OPN4: variants seen among roughly 807,000 people sequenced by gnomAD.
The protein encoded by OPN4 is melanopsin.
A neutral mutation model predicts 49.5 loss-of-function variants in OPN4; 43 were observed. The observed-to-expected ratio is 0.87, with a 90% CI of 0.68 to 1.12. The LOEUF (loss-of-function observed/expected upper bound fraction) is 1.12, where lower values mean the gene tolerates loss of function less well. OPN4 is among the 50% of genes most tolerant of loss of function. The probability of loss-of-function intolerance (pLI) is 0.00; values close to 1 mark genes in which losing one functional copy is unlikely to be tolerated. For missense variants in OPN4, 657 were observed against 643.9 expected (o/e 1.02, Z -0.22); for synonymous variants, 263 against 258.0 (o/e 1.02, Z -0.19).
At chr10:86,665,350 G>A (rs981658791) in intron 9 of OPN4, among the ~76,000 whole-genome samples, 1 of 152,118 alleles carries the variant, frequency 6.6e-6, no homozygotes, top group African/African-American at 2.4e-5. Context: ...AGAAGGAAGT[G>A]CTGCAGGGCA....
chr10:86,657,994 G>A, intron 2 of OPN4, 38 bp from the exon 3 acceptor site: 9 of 1,601,716 alleles, frequency 5.6e-6, no homozygotes, highest in Non-Finnish European at 7.7e-6. Context: ...CTCTGGAGGT[G>A]TCAGGAAGCG....
chr10:86,659,336 G>A lies in OPN4; in HGVS notation c.668G>A (p.Trp223Ter), dbSNP rs1484763952. The change falls in exon 5 of 10, where the codon TGG becomes TAG. Residue 223 changes from tryptophan to a stop codon, truncating the protein, a stop_gained. Coordinates refer to ENST00000241891, the MANE Select transcript of OPN4 (RefSeq NM_033282.4). LOFTEE classifies it high-confidence loss of function. The part of the protein sequence containing the change: ...VPEGLLTSCS[W>*]DYMSFTPAVR... The stretch of plus-strand genomic sequence containing the variant: ...GAGGGGTTGCTGACATCCTGCTCCT[G>A]GGACTACATGAGCTTCACGCCGGCC... 6 of 1,613,726 alleles carry A rather than the reference G, an allele frequency of 3.7e-6. No individual in the cohort carries two copies. Among genetic ancestry groups the A allele is most frequent in the Non-Finnish European group, 5.1e-6 (6 of 1,180,010 alleles).
intron 2 of OPN4, 75 bp from the exon 3 acceptor site, chr10:86,657,957 C>T: frequency 4.0e-6 from 6 of 1,512,380 alleles, no homozygotes; most frequent in Non-Finnish European, 5.4e-6. Flanking sequence ...ACATGCATAC[C>T]TGAGGGGTGC....
At position 86,661,291 on chromosome 10, in the gene OPN4, G is replaced by A. The variant is rs144213090; in HGVS notation, c.976G>A (p.Val326Ile). ...ALVAFAGYAH[V>I]LTPYMSSVPA... ...CCTTCTCTGTCCTAGGTACGCACAC[G>A]TCCTGACACCCTACATGAGCTCGGT... Residue 326 changes from valine to isoleucine, a missense_variant, in exon 7 of 10, where the codon GTC (valine) becomes ATC (isoleucine). Coordinates refer to ENST00000241891, the MANE Select transcript of OPN4 (RefSeq NM_033282.4). 449 of 1,613,802 alleles carry A rather than the reference G, an allele frequency of 2.8e-4. 12 individuals are homozygous for A. In the South Asian group the frequency reaches 3.8e-3, roughly 14 times the overall value.
Position 86,665,544 on chromosome 10 carries a change from T to TACTCTGGGATGTGG in OPN4, c.1399-159_1399-146dup, listed in dbSNP as rs1457016392. On this transcript the variant is annotated intron_variant, in intron 9 of 9. Transcript: ENST00000241891. ...GGCAGCGTTAGGCGTTACCAGCTCT[T>TACTCTGGGATGTGG]ACTCTGGGATGTGGACTCTGGGAAG... Among the ~76,000 whole-genome samples, 5 of 152,082 alleles carry TACTCTGGGATGTGG rather than the reference T, an allele frequency of 3.3e-5. No homozygotes were observed. The South Asian group carries it at 1.0e-3, about 32-fold the overall frequency.
At chr10:86,656,376 A>T in intron 2 of OPN4, 76 bp downstream of exon 2, 1 of 1,505,524 alleles carries the variant, frequency 6.6e-7, no homozygotes, top group African/African-American at 1.4e-5. Flanking sequence ...TGCAGGCAGG[A>T]ATGTTGACTC....
chr10:86,654,846 C>A lies in OPN4; in HGVS notation c.63C>A (p.Ala21=), dbSNP rs1191057896. Residue 21 remains alanine, a synonymous_variant, in exon 1 of 10, where the codon GCC becomes GCA. Coordinates refer to ENST00000241891, the MANE Select transcript of OPN4 (RefSeq NM_033282.4). ...PSPTQEPSCM[A]TPAPPSWWDS... ...CAACCCAAGAGCCCAGCTGCATGGC[C>A]ACCCCAGCACCACCCAGCTGGTGGG... The A allele has an allele frequency of 6.2e-7, 1 of 1,613,554 alleles. No individual in the cohort carries two copies. Among genetic ancestry groups the A allele is most frequent in the African/African-American group, 1.3e-5 (1 of 74,934 alleles).
In OPN4 at chr10:86,662,155, C is replaced by G. The variant is rs1844022285; in HGVS notation, c.1074-97C>G. The G allele has an allele frequency of 1.6e-5, 16 of 1,029,964 alleles. No homozygotes were observed. The South Asian group carries it at 2.3e-4, about 15-fold the overall frequency. The allele number at this position is 1,029,964 out of a possible 1,614,324, so 63.8% of individuals were successfully genotyped here. On this transcript the variant is annotated intron_variant, in intron 7 of 9. Coordinates refer to ENST00000241891, the MANE Select transcript of OPN4 (RefSeq NM_033282.4). ...CCCCATTTCCCCAGAGGCTCTCGGTCACCGCACATTAGGCCTGTACCAGCC... is the reference window on the plus strand; with the variant it reads ...CCCCATTTCCCCAGAGGCTCTCGGTGACCGCACATTAGGCCTGTACCAGCC...
chr10:86,664,638 C>T lies in OPN4; in HGVS notation c.1398+836C>T, dbSNP rs548562929. Among the ~76,000 whole-genome samples the T allele has an allele frequency of 8.3e-4, 126 of 152,332 alleles. 1 individual carries two copies. Among genetic ancestry groups the T allele is most frequent in the African/African-American group, 2.7e-3 (112 of 41,582 alleles). ...TCCCTAGCTAGTCCAAGGCCAAAGG[C>T]ACATTCCTGCCTGCCTTTCTTCCTG... On this transcript the variant is annotated intron_variant, in intron 9 of 9. Coordinates refer to ENST00000241891, the MANE Select transcript of OPN4 (RefSeq NM_033282.4).
chr10:86,665,946 C>T lies in OPN4; in HGVS notation c.*195C>T, dbSNP rs560064940. The T allele has an allele frequency of 1.1e-4, 62 of 577,832 alleles. No homozygotes were observed. The highest frequency in any genetic ancestry group is 2.3e-4 in the Admixed American group (7 of 30,048). 35.8% of individuals were successfully genotyped at this position (577,832 alleles called of 1,614,324 possible). ...AAAACTCCTGCCCCATAACGTCCTCCGCATCCACTTTCCAGCTCAGCAGCC... is the reference window on the plus strand; with the variant it reads ...AAAACTCCTGCCCCATAACGTCCTCTGCATCCACTTTCCAGCTCAGCAGCC... On this transcript the variant is annotated 3_prime_UTR_variant, in exon 10 of 10. Coordinates refer to ENST00000241891, the MANE Select transcript of OPN4 (RefSeq NM_033282.4).
chr10:86,662,237 G>T lies in OPN4; in HGVS notation c.1074-15G>T. ...GCCCATCCCCTGGCCCTAATCAGAT[G>T]TGCGGCCCCTGCAGGGTGGCCATTG... On this transcript the variant is annotated splice_polypyrimidine_tract_variant and intron_variant, in intron 7 of 9. Coordinates refer to ENST00000241891, the MANE Select transcript of OPN4 (RefSeq NM_033282.4). The T allele has an allele frequency of 1.2e-6, 2 of 1,605,704 alleles. No homozygotes were observed. The highest frequency in any genetic ancestry group is 1.7e-6 in the Non-Finnish European group (2 of 1,177,788).
At chr10:86,664,450 C>T (rs1045692935) in intron 9 of OPN4, among the ~76,000 whole-genome samples, 35 of 152,270 alleles carry the variant, frequency 2.3e-4, no homozygotes, top group African/African-American at 5.1e-4. Flanking sequence ...GCCTATGGAA[C>T]GGAATGTTGA....
chr10:86,665,906 C>G lies in OPN4; in HGVS notation c.*155C>G. 1.6e-6 allele frequency: 1 copy of G among 634,760 alleles called. No individual in the cohort carries two copies. The highest frequency in any genetic ancestry group is 2.8e-6 in the Non-Finnish European group (1 of 359,822). The allele number at this position is 634,760 out of a possible 1,614,324, so 39.3% of individuals were successfully genotyped here. On this transcript the variant is annotated 3_prime_UTR_variant, in exon 10 of 10. Coordinates refer to ENST00000241891, the MANE Select transcript of OPN4 (RefSeq NM_033282.4). ...GGATTCACAGCCCCAGCCCCATGGC[C>G]CCTCTCCACACCTCAAAACTCCTGC... is the stretch of plus-strand genomic sequence containing the variant.
intron 5 of OPN4, 39 bp downstream of exon 5, chr10:86,659,507 C>A (rs755987172): frequency 3.7e-6 from 6 of 1,601,098 alleles, no homozygotes; most frequent in Non-Finnish European, 5.1e-6. Context: ...AGGAGGGGGA[C>A]CGGCCCCTCG....
In OPN4 at chr10:86,656,209, G is replaced by A. The variant is rs1419576612; in HGVS notation, c.199G>A (p.Asp67Asn). The A allele has an allele frequency of 6.2e-7, 1 of 1,614,094 alleles. No individual in the cohort carries two copies. Among genetic ancestry groups the A allele is most frequent in the Non-Finnish European group, 8.5e-7 (1 of 1,180,050 alleles). The change falls in exon 2 of 10, where the codon GAC becomes AAC. Residue 67 changes from aspartate to asparagine, a missense_variant. Transcript: ENST00000241891. The stretch of plus-strand genomic sequence containing the variant: ...CCCCCTCCCCACGGTTGATGTTCCA[G>A]ACCATGCCCACTATACCCTGGGCAC... ...WVPLPTVDVP[D>N]HAHYTLGTVI...
intron 8 of OPN4, among the ~76,000 whole-genome samples, chr10:86,662,718 G>A (rs1433748918): frequency 6.6e-6 from 1 of 152,212 alleles, no homozygotes; most frequent in Non-Finnish European, 1.5e-5. Flanking sequence ...CCTTTTCCAT[G>A]CTGACACTCT....
chr10:86,666,204 C>G lies in OPN4; in HGVS notation c.*453C>G. The G allele has an allele frequency of 4.9e-6, 1 of 204,320 alleles. No homozygotes were observed. 12.7% of individuals were successfully genotyped at this position (204,320 alleles called of 1,614,324 possible). On this transcript the variant is annotated 3_prime_UTR_variant, in exon 10 of 10. Transcript: ENST00000241891. ...ACAGCTGAAGCCGAGCACAGACCTC[C>G]CTTTGCACGCTGGAACAGTTACTCA...
intron 3 of OPN4, 64 bp downstream of exon 3, chr10:86,658,229 A>G (rs1259384347): frequency 4.0e-5 from 64 of 1,589,632 alleles, no homozygotes; most frequent in Non-Finnish European, 5.5e-5. Flanking sequence ...GATGCCCTCA[A>G]TGGAGGGTGG....
chr10:86,666,381 T>C lies in OPN4; in HGVS notation c.*630T>C. ...TGCGTCTGTGATTCATTTCATGTAG[T>C]GGTCTAAGCTCCTCCCAGGGCTGTG... is the stretch of plus-strand genomic sequence containing the variant. On this transcript the variant is annotated 3_prime_UTR_variant, in exon 10 of 10. Transcript: ENST00000241891. The C allele has an allele frequency of 5.0e-6, 1 of 198,354 alleles. No homozygotes were observed. The highest frequency in any genetic ancestry group is 1.0e-4 in the South Asian group (1 of 9,702). The allele number at this position is 198,354 out of a possible 1,614,324, so 12.3% of individuals were successfully genotyped here. A position where few individuals can be genotyped will look rare whatever the true frequency, so the allele number is the denominator to read the frequency against.
Sources: allele counts gnomAD v4.1 joint callset (sites outside exome capture counted in the v4.1 genomes callset), GRCh38; gene constraint gnomAD v4.1.1; transcripts MANE v1.5; gene names NCBI Gene and HGNC (gene_info 2026-07-23, HGNC 2026-07-21).